GAA: variants seen among roughly 807,000 people sequenced by gnomAD.
GAA encodes lysosomal alpha-glucosidase.
In GAA, 88 loss-of-function variants were observed where a neutral mutation model predicts 103.9. The observed-to-expected ratio is 0.85, with a 90% CI of 0.71 to 1.01. The LOEUF (loss-of-function observed/expected upper bound fraction) is 1.01. Ranked by LOEUF, GAA falls within the 50% of genes least tolerant of loss-of-function variation. The pLI is 0.00. For synonymous variants in GAA, 572 were observed against 563.1 expected (o/e 1.02, Z -0.22); for missense variants, 1,350 against 1,305.3 (o/e 1.03, Z -0.53).
chr17:80,107,674 C>T lies in GAA; in HGVS notation c.810C>T (p.Ser270=), dbSNP rs2039121265. ...LAEHLSPLML[S]TSWTRITLWN... ...AGCACCTCAGTCCCCTGATGCTCAGCACCAGCTGGACCAGGATCACCCTGT... is the reference window on the plus strand; with the variant it reads ...AGCACCTCAGTCCCCTGATGCTCAGTACCAGCTGGACCAGGATCACCCTGT... Residue 270 remains serine (S), a synonymous_variant, in exon 4 of 20, where the codon AGC becomes AGT. Transcript: ENST00000302262. 1 of 1,613,032 alleles carries T rather than the reference C, an allele frequency of 6.2e-7. No individual in the cohort carries two copies. The highest frequency in any genetic ancestry group is 8.5e-7 in the Non-Finnish European group (1 of 1,179,878).
intron 12 of GAA, 38 bp from the exon 13 acceptor site, chr17:80,112,540 G>A (rs541082781): frequency 2.0e-5 from 33 of 1,611,992 alleles, no homozygotes; most frequent in Non-Finnish European, 2.4e-5. Flanking sequence ...GAGTGACCCC[G>A]CTCCACACAG....
chr17:80,118,365 C>A lies in GAA; in HGVS notation c.2646+8C>A, dbSNP rs773123506. 1.9e-6 allele frequency: 3 copies of A among 1,561,200 alleles called. No individual in the cohort carries two copies. The highest frequency in any genetic ancestry group is 1.8e-5 in the Admixed American group (1 of 55,222). ...ATCTTCCTGGCCAGGAATGTGAGTC[C>A]TGGGGCTGCTCAGGCTGGTGGGCAG... On this transcript the variant is annotated splice_region_variant and intron_variant, in intron 18 of 19. Transcript: ENST00000302262.
At position 80,108,395 on chromosome 17, in the gene GAA, A is replaced by T; in HGVS notation, c.1061A>T (p.Tyr354Phe). ...GPEPKSVVQQ[Y>F]LDVVGYPFMP... ...GAGCCCAAGAGCGTGGTGCAGCAGT[A>T]CCTGGACGTTGTGGGTAGGGCCTGC... is the stretch of plus-strand genomic sequence containing the variant. The change falls in exon 6 of 20, where the codon TAC becomes TTC. Residue 354 changes from tyrosine (Y) to phenylalanine (F), a missense_variant. By Grantham distance (22) the Tyr-to-Phe change is conservative. Transcript: ENST00000302262. The T allele has an allele frequency of 6.2e-7, 1 of 1,613,390 alleles. No individual in the cohort carries two copies. The highest frequency in any genetic ancestry group is 8.5e-7 in the Non-Finnish European group (1 of 1,180,026).
intron 1 of GAA, chr17:80,102,762 A>C (rs2038984675): frequency 6.6e-6 from 1 of 152,224 alleles, no homozygotes; most frequent in South Asian, 2.1e-4. Context: ...GTGACCCTGA[A>C]GAGGGAGTCC....
chr17:80,111,337 T>C (rs1290233535), intron 11 of GAA, among the ~76,000 whole-genome samples: 1 of 152,012 alleles, frequency 6.6e-6, no homozygotes, highest in East Asian at 1.9e-4. Flanking sequence ...TACCCACCCG[T>C]GGGGAGAGGT....
At position 80,119,361 on chromosome 17, in the gene GAA, G is replaced by A; in HGVS notation, c.*30G>A. ...GCGGAGTGTGTTAGTCTCTCCAGAG[G>A]GAGGCTGGTTCCCCAGGGAAGCAGA... On this transcript the variant is annotated 3_prime_UTR_variant, in exon 20 of 20. Transcript: ENST00000302262. The A allele has an allele frequency of 1.9e-6, 3 of 1,598,460 alleles. No homozygotes were observed. The highest frequency in any genetic ancestry group is 1.7e-6 in the Non-Finnish European group (2 of 1,165,926).
At chr17:80,105,967 C>A (rs900205568) in intron 3 of GAA, 73 bp downstream of exon 3, 1 of 1,516,520 alleles carries the variant, frequency 6.6e-7, no homozygotes, top group Non-Finnish European at 8.8e-7. Context: ...GAGGGCCACA[C>A]GCGTTTGTTT....
rs774229249 is a variant in GAA at position 80,105,910 on chromosome 17, T to C, written c.692+16T>C. 6 of 1,579,834 alleles carry C rather than the reference T, an allele frequency of 3.8e-6. No homozygotes were observed. The African/African-American group carries it at 6.7e-5, about 18-fold the overall frequency. On this transcript the variant is annotated intron_variant, in intron 3 of 19. Transcript: ENST00000302262. ...GCCGCGTGCTGTGAGTTCTGGGCTC[T>C]GTGCCAGCATGATGGGGAGGGCGAC...
Position 80,111,984 on chromosome 17 carries a change from G to T in GAA, c.1638G>T (p.Gly546=), listed in dbSNP as rs1260256483. 3 of 1,613,302 alleles carry T rather than the reference G, an allele frequency of 1.9e-6. No homozygotes were observed. Among genetic ancestry groups the T allele is most frequent in the East Asian group, 2.2e-5 (1 of 44,872 alleles). Residue 546 remains glycine, a splice_region_variant and synonymous_variant, in exon 12 of 20, where the codon GGG becomes GGT. Coordinates refer to ENST00000302262, the MANE Select transcript of GAA (RefSeq NM_000152.5). ...NELENPPYVP[G]VVGGTLQAAT... is the part of the protein sequence containing the mutation. ...GAAACCAGCCCCCGCCTCTTCCAGG[G>T]GTGGTTGGGGGGACCCTCCAGGCGG...
At position 80,112,115 on chromosome 17, in the gene GAA, C is replaced by T; in HGVS notation, c.1754+15C>T. ...GCCTCCCACAGGTGAGGGCCACGTC[C>T]CGCCCCACTGGGCTCTGCCCTCACA... On this transcript the variant is annotated intron_variant, in intron 12 of 19. Transcript: ENST00000302262. The T allele has an allele frequency of 1.9e-6, 3 of 1,603,844 alleles. No homozygotes were observed. The highest frequency in any genetic ancestry group is 2.6e-6 in the Non-Finnish European group (3 of 1,171,068).
chr17:80,118,354 G>T lies in GAA; in HGVS notation c.2643G>T (p.Arg881Ser), dbSNP rs1160268139. The T allele has an allele frequency of 6.4e-7, 1 of 1,561,456 alleles. No individual in the cohort carries two copies. The highest frequency in any genetic ancestry group is 1.4e-5 in the African/African-American group (1 of 73,750). ...ACACACAGGTCATCTTCCTGGCCAG[G>T]AATGTGAGTCCTGGGGCTGCTCAGG... Reference protein sequence around the residue: ...GAYTQVIFLARNNTIVNELVR... With the variant: ...GAYTQVIFLASNNTIVNELVR... Residue 881 changes from arginine (R) to serine (S), a missense_variant, in exon 18 of 20, where the codon AGG (arginine) becomes AGT (serine). By Grantham distance (110) the Arg-to-Ser change is moderately radical (BLOSUM62 -1). Transcript: ENST00000302262.
At chr17:80,107,088 T>C (rs1485419391) in intron 3 of GAA, among the ~76,000 whole-genome samples, 1 of 152,218 alleles carries the variant, frequency 6.6e-6, no homozygotes, top group Non-Finnish European at 1.5e-5. Context: ...CTTTCATTTC[T>C]CGGAGGTGCT....
At position 80,109,942 on chromosome 17, in the gene GAA, C is replaced by T. The variant is rs2039189894; in HGVS notation, c.1327-3C>T. On this transcript the variant is annotated splice_polypyrimidine_tract_variant and splice_region_variant and intron_variant, in intron 8 of 19. Coordinates refer to ENST00000302262, the MANE Select transcript of GAA (RefSeq NM_000152.5). ...TCACCTTGACAGGTTTCCCTCTTCC[C>T]AGGATCCTGCCATCAGCAGCTCGGG... 6.2e-7 allele frequency: 1 copy of T among 1,612,364 alleles called. No individual in the cohort carries two copies. Among genetic ancestry groups the T allele is most frequent in the South Asian group, 1.1e-5 (1 of 91,026 alleles).
rs1598579967 is a variant in GAA, at chr17:80,109,937, C to T, written c.1327-8C>T. The T allele has an allele frequency of 2.5e-6, 4 of 1,611,496 alleles. No individual in the cohort carries two copies. Among genetic ancestry groups the T allele is most frequent in the African/African-American group, 1.3e-5 (1 of 75,028 alleles). The stretch of plus-strand genomic sequence containing the variant: ...CACCCTCACCTTGACAGGTTTCCCT[C>T]TTCCCAGGATCCTGCCATCAGCAGC... On this transcript the variant is annotated splice_polypyrimidine_tract_variant and splice_region_variant and intron_variant, in intron 8 of 19. Coordinates refer to ENST00000302262, the MANE Select transcript of GAA (RefSeq NM_000152.5).
chr17:80,116,267 T>G (rs1353999348), intron 15 of GAA, among the ~76,000 whole-genome samples: 2 of 152,338 alleles, frequency 1.3e-5, no homozygotes, highest in East Asian at 3.9e-4. Flanking sequence ...ATTGGCACAT[T>G]TGTGGAAAGC....
In GAA at chr17:80,107,553, G is replaced by A. The variant is rs200088236; in HGVS notation, c.693-4G>A. 2.0e-5 allele frequency: 32 copies of A among 1,612,836 alleles called. No homozygotes were observed. In the East Asian group the frequency reaches 2.2e-4, roughly 11 times the overall value. ...AGCAAGCCTGGCTGGCCTCTGTCCC[G>A]CAGGCTGAACACGACGGTGGCGCCC... On this transcript the variant is annotated splice_polypyrimidine_tract_variant and splice_region_variant and intron_variant, in intron 3 of 19. Transcript: ENST00000302262.
chr17:80,112,938 G>T lies in GAA; in HGVS notation c.1951G>T (p.Gly651Cys). Residue 651 changes from glycine (G) to cysteine (C), a missense_variant, in exon 14 of 20, where the codon GGC (glycine) becomes TGC (cysteine). Transcript: ENST00000302262. ...CGGGGCCGACGTCTGCGGCTTCCTG[G>T]GCAACACCTCAGAGGAGCTGTGTGT... ...LVGADVCGFL[G>C]NTSEELCVRW... 6.2e-7 allele frequency: 1 copy of T among 1,610,782 alleles called. No individual in the cohort carries two copies. The highest frequency in any genetic ancestry group is 8.5e-7 in the Non-Finnish European group (1 of 1,179,094).
At chr17:80,108,910 G>C (rs1012279771) in intron 8 of GAA, 82 bp downstream of exon 8, 6 of 1,466,910 alleles carry the variant, frequency 4.1e-6, no homozygotes, top group Non-Finnish European at 5.5e-6. Flanking sequence ...CGTCATCCTC[G>C]TGCCTGTGTG....
rs2039422246 is a variant in GAA, at chr17:80,118,929, T to G, written c.2799+124T>G. 23 of 1,224,502 alleles carry G rather than the reference T, an allele frequency of 1.9e-5. 1 individual carries two copies. The South Asian group carries it at 3.0e-4, about 16-fold the overall frequency. The allele number at this position is 1,224,502 out of a possible 1,614,324, so 75.9% of individuals were successfully genotyped here. ...GATGCTGGGACCTCCCAAGGGGGTC[T>G]TTGGGGAGGAGTGGGAAGGGTCAGG... is the stretch of plus-strand genomic sequence containing the variant. On this transcript the variant is annotated intron_variant, in intron 19 of 19. Transcript: ENST00000302262.
Sources: gnomAD v4.1 joint callset for allele counts (sites outside exome capture counted in the v4.1 genomes callset) on GRCh38, gnomAD v4.1.1 for gene constraint, MANE v1.5 for transcripts, NCBI Gene and HGNC (gene_info 2026-07-23, HGNC 2026-07-21) for gene names.